UTP23: variants seen among roughly 807,000 people sequenced by gnomAD.
The protein encoded by UTP23 is rRNA-processing protein UTP23 homolog.
In UTP23, 10 loss-of-function variants were observed where a neutral mutation model predicts 19.8. The ratio of observed to expected loss-of-function variants is 0.50; its 90% CI spans 0.31 to 0.86. The LOEUF (loss-of-function observed/expected upper bound fraction) is 0.86, where lower values mean the gene tolerates loss of function less well. UTP23 is among the 40% of genes least tolerant of loss of function. UTP23 has a pLI of 0.05. For synonymous variants in UTP23, 108 were observed against 105.4 expected, an observed-to-expected ratio of 1.02 and a Z score of -0.15; for missense variants, 282 against 293.1, an observed-to-expected ratio of 0.96 and a Z score of 0.28.
chr8:116,769,100 T>C (rs1324185506), intron 1 of UTP23, among the ~76,000 whole-genome samples: 5 of 152,242 alleles, frequency 3.3e-5, no homozygotes, highest in South Asian at 2.1e-4. Flanking sequence ...TTTACTGATA[T>C]TCAGGTTTGA....
chr8:116,772,713 G>T lies in UTP23; in HGVS notation c.*871G>T. ...AGAATTCAAAAATAATATTCTCTTTGAGATTGACTGTGAATGTTATTGAAA... is the reference window on the plus strand; with the variant it reads ...AGAATTCAAAAATAATATTCTCTTTTAGATTGACTGTGAATGTTATTGAAA... On this transcript the variant is annotated 3_prime_UTR_variant, in exon 3 of 3. Coordinates refer to ENST00000309822, the MANE Select transcript of UTP23 (RefSeq NM_032334.3). The T allele has an allele frequency of 1.0e-6, 1 of 985,014 alleles. No homozygotes were observed. Among genetic ancestry groups the T allele is most frequent in the Non-Finnish European group, 1.2e-6 (1 of 829,620 alleles). 61.0% of individuals were successfully genotyped at this position (985,014 alleles called of 1,614,324 possible). A position where few individuals can be genotyped will look rare whatever the true frequency, so the allele number is the denominator to read the frequency against.
chr8:116,770,436 A>C (rs1815636721), intron 2 of UTP23, 70 bp downstream of exon 2: 3 of 1,422,130 alleles, frequency 2.1e-6, no homozygotes, highest in Non-Finnish European at 2.8e-6. Context: ...AGCTATTTAT[A>C]ATCAGAAAAA....
At chr8:116,769,384 G>T (rs1196464981) in intron 1 of UTP23, among the ~76,000 whole-genome samples, 1 of 152,166 alleles carries the variant, frequency 6.6e-6, no homozygotes, top group Non-Finnish European at 1.5e-5. Context: ...GTGAAGAAGG[G>T]CAGGAAGGTC....
intron 2 of UTP23, 86 bp from the exon 3 acceptor site, chr8:116,771,369 CT>C: frequency 3.5e-6 from 4 of 1,145,758 alleles, no homozygotes; most frequent in Non-Finnish European, 4.7e-6. Context: ...TCTGTGATCT[CT>C]TTTATTTTTA....
Position 116,766,591 on chromosome 8 carries a change from C to G in UTP23, c.-13C>G, listed in dbSNP as rs770540976. On this transcript the variant is annotated 5_prime_UTR_variant, in exon 1 of 3. Transcript: ENST00000309822. ...CTTCCTGGTCCGGTGGCCTCGGTCC[C>G]GGTAAGCCAGGCATGAAGATCACAA... 4 of 1,608,858 alleles carry G rather than the reference C, an allele frequency of 2.5e-6. No homozygotes were observed. Among genetic ancestry groups the G allele is most frequent in the Non-Finnish European group, 3.4e-6 (4 of 1,177,130 alleles).
chr8:116,771,740 C>T lies in UTP23; in HGVS notation c.648C>T (p.Asp216=). ...TGAAGAAAAAGAAAAAGGCACCGGA[C>T]ACACAATCATCTGCTTCTGAAAAGA... is the stretch of plus-strand genomic sequence containing the variant. The part of the protein sequence containing the change: ...SCLKKKKKAP[D]TQSSASEKKR... Residue 216 remains aspartate, a synonymous_variant, in exon 3 of 3, where the codon GAC becomes GAT. Transcript: ENST00000309822. 6.2e-7 allele frequency: 1 copy of T among 1,611,642 alleles called. No homozygotes were observed. Among genetic ancestry groups the T allele is most frequent in the Non-Finnish European group, 8.5e-7 (1 of 1,179,712 alleles).
Position 116,773,448 on chromosome 8 carries a change from G to T in UTP23, c.*1606G>T. ...ACCTGTTAATAGCATCTGAACTGGA[G>T]AGCTGGAAAAATCCACTTTTTTATG... On this transcript the variant is annotated 3_prime_UTR_variant, in exon 3 of 3. Coordinates refer to ENST00000309822, the MANE Select transcript of UTP23 (RefSeq NM_032334.3). 1 of 982,872 alleles carries T rather than the reference G, an allele frequency of 1.0e-6. No individual in the cohort carries two copies. Among genetic ancestry groups the T allele is most frequent in the Non-Finnish European group, 1.2e-6 (1 of 827,662 alleles). 60.9% of individuals were successfully genotyped at this position (982,872 alleles called of 1,614,324 possible).
Position 116,771,573 on chromosome 8 carries a change from G to A in UTP23, c.481G>A (p.Val161Met), listed in dbSNP as rs780234233. 6.2e-7 allele frequency: 1 copy of A among 1,613,092 alleles called. No homozygotes were observed. The highest frequency in any genetic ancestry group is 8.5e-7 in the Non-Finnish European group (1 of 1,179,796). The change falls in exon 3 of 3, where the codon GTG (valine) becomes ATG (methionine). Residue 161 changes from valine to methionine, a missense_variant. Val to Met is a conservative substitution (Grantham distance 21). Coordinates refer to ENST00000309822, the MANE Select transcript of UTP23 (RefSeq NM_032334.3). ...CAAAACAATTGCCTTTGTAAAAGCA[G>A]TGGAGTCAGGTCAGCTTGTCTCAGT... ...SPKTIAFVKA[V>M]ESGQLVSVHE...
rs905165080 is a variant in UTP23, at chr8:116,772,377, C to G, written c.*535C>G. The G allele has an allele frequency of 2.0e-6, 2 of 978,088 alleles. No homozygotes were observed. Among genetic ancestry groups the G allele is most frequent in the Non-Finnish European group, 2.4e-6 (2 of 823,472 alleles). The allele number at this position is 978,088 out of a possible 1,614,324, so 60.6% of individuals were successfully genotyped here. On this transcript the variant is annotated 3_prime_UTR_variant, in exon 3 of 3. Coordinates refer to ENST00000309822, the MANE Select transcript of UTP23 (RefSeq NM_032334.3). ...CTTGTGACAAAAAAAGAGGCAGTCC[C>G]TCTTTCACATTGACAGAAGAAACTT...
Position 116,773,287 on chromosome 8 carries a change from A to C in UTP23, c.*1445A>C, listed in dbSNP as rs1293971361. On this transcript the variant is annotated 3_prime_UTR_variant, in exon 3 of 3. Transcript: ENST00000309822. ...AAGTTAACATTTGTCAATGACAAGC[A>C]TTAAGGCCACCTAATAAAGTGTAGA... is the stretch of plus-strand genomic sequence containing the variant. The C allele has an allele frequency of 1.0e-6, 1 of 985,346 alleles. No homozygotes were observed. Among genetic ancestry groups the C allele is most frequent in the East Asian group, 1.1e-4 (1 of 8,834 alleles). The allele number at this position is 985,346 out of a possible 1,614,324, so 61.0% of individuals were successfully genotyped here.
Position 116,773,591 on chromosome 8 carries a change from C to T in UTP23, c.*1749C>T. On this transcript the variant is annotated 3_prime_UTR_variant, in exon 3 of 3. Transcript: ENST00000309822. ...CTTTGGGAGGCCGAGGCTGGCAGAT[C>T]ACAAAATTAAGAGATCAAGACCATC... The T allele has an allele frequency of 1.4e-6, 1 of 697,258 alleles. No individual in the cohort carries two copies. Among genetic ancestry groups the T allele is most frequent in the East Asian group, 1.3e-4 (1 of 7,486 alleles). The allele number at this position is 697,258 out of a possible 1,614,324, so 43.2% of individuals were successfully genotyped here.
chr8:116,767,417 C>T (rs1815599578), intron 1 of UTP23, among the ~76,000 whole-genome samples: 1 of 152,206 alleles, frequency 6.6e-6, no homozygotes, highest in Non-Finnish European at 1.5e-5. Flanking sequence ...ACTGCTCCCT[C>T]ATGGCCAGTA....
At chr8:116,771,214 T>C (rs532305303) in intron 2 of UTP23, among the ~76,000 whole-genome samples, 2 of 152,316 alleles carry the variant, frequency 1.3e-5, no homozygotes, top group East Asian at 3.9e-4. Flanking sequence ...TAGTTTGTAA[T>C]TTGTGGCTCT....
Position 116,766,784 on chromosome 8 carries a change from A to G in UTP23, c.181A>G (p.Thr61Ala). The G allele has an allele frequency of 6.4e-7, 1 of 1,553,202 alleles. No homozygotes were observed. Among genetic ancestry groups the G allele is most frequent in the South Asian group, 1.2e-5 (1 of 85,850 alleles). The stretch of plus-strand genomic sequence containing the variant: ...CCTCATGGGGGAGACGCAGCTGTGC[A>G]CCACAAGGTGGGCCCGGGGGGCTGG... Reference protein sequence around the residue: ...RYLMGETQLCTTRCVLKELET... With the variant: ...RYLMGETQLCATRCVLKELET... The change falls in exon 1 of 3, where the codon ACC (threonine) becomes GCC (alanine). Residue 61 changes from threonine to alanine, a missense_variant. Coordinates refer to ENST00000309822, the MANE Select transcript of UTP23 (RefSeq NM_032334.3).
Position 116,771,755 on chromosome 8 carries a change from T to C in UTP23, c.663T>C (p.Ala221=). 1 of 1,587,408 alleles carries C rather than the reference T, an allele frequency of 6.3e-7. No individual in the cohort carries two copies. The highest frequency in any genetic ancestry group is 8.5e-7 in the Non-Finnish European group (1 of 1,178,118). The change falls in exon 3 of 3, where the codon GCT becomes GCC. Residue 221 remains alanine (A), a synonymous_variant. Transcript: ENST00000309822. ...KKKAPDTQSS[A]SEKKRKRKRI... ...AGGCACCGGACACACAATCATCTGC[T>C]TCTGAAAAGAAAAGAAAAAGAAAAA... is the stretch of plus-strand genomic sequence containing the variant.
Position 116,772,032 on chromosome 8 carries a change from A to AG in UTP23, c.*190_*191insG. 1 of 1,261,008 alleles carries AG rather than the reference A, an allele frequency of 7.9e-7. No homozygotes were observed. The highest frequency in any genetic ancestry group is 1.6e-5 in the African/African-American group (1 of 64,222). 78.1% of individuals were successfully genotyped at this position (1,261,008 alleles called of 1,614,324 possible). ...ACCCCATCTCTACTAAAATACAAAA[A>AG]TTAGCTGGGCATGATGGTGCACAGT... On this transcript the variant is annotated 3_prime_UTR_variant, in exon 3 of 3. Transcript: ENST00000309822.
At position 116,774,365 on chromosome 8, in the gene UTP23, T is replaced by G. The variant is rs191577407; in HGVS notation, c.*2523T>G. The G allele has an allele frequency of 4.8e-5, 47 of 985,306 alleles. No homozygotes were observed. The East Asian group carries it at 2.2e-3, about 45-fold the overall frequency. The allele number at this position is 985,306 out of a possible 1,614,324, so 61.0% of individuals were successfully genotyped here. A position where few individuals can be genotyped will look rare whatever the true frequency, so the allele number is the denominator to read the frequency against. On this transcript the variant is annotated 3_prime_UTR_variant, in exon 3 of 3. Transcript: ENST00000309822. ...TTTCAAAGGTAAAAGGATCTCATGT[T>G]TCTGAATCTGCGTAAAGCAAGATGG...
rs774956333 is a variant in UTP23 at position 116,770,336 on chromosome 8, A to T, written c.333A>T (p.Gly111=). 3.0e-5 allele frequency: 48 copies of T among 1,612,704 alleles called. No individual in the cohort carries two copies. The highest frequency in any genetic ancestry group is 2.2e-4 in the Admixed American group (13 of 59,950). The change falls in exon 2 of 3, where the codon GGA becomes GGT. Residue 111 remains glycine, a synonymous_variant. Transcript: ENST00000309822. ...SECLLSMVEE[G]NPHHYFVATQ... is the part of the protein sequence containing the mutation. ...GTCTGCTTTCCATGGTTGAAGAGGG[A>T]AATCCTCATCATTATTTTGTGGCAA...
Position 116,773,668 on chromosome 8 carries a change from G to T in UTP23, c.*1826G>T, listed in dbSNP as rs942503562. The stretch of plus-strand genomic sequence containing the variant: ...GTACTAAAAATACAAAAATTAGCTG[G>T]GTGTGGTGGTGTGCGCCTGTAGTCC... On this transcript the variant is annotated 3_prime_UTR_variant, in exon 3 of 3. Transcript: ENST00000309822. 1 of 280,056 alleles carries T rather than the reference G, an allele frequency of 3.6e-6. No homozygotes were observed. The highest frequency in any genetic ancestry group is 5.4e-6 in the Non-Finnish European group (1 of 185,422). The allele number at this position is 280,056 out of a possible 1,614,324, so 17.3% of individuals were successfully genotyped here. A position where few individuals can be genotyped will look rare whatever the true frequency, so the allele number is the denominator to read the frequency against.
Sources: gnomAD v4.1 joint callset for allele counts (sites outside exome capture counted in the v4.1 genomes callset) on GRCh38, gnomAD v4.1.1 for gene constraint, MANE v1.5 for transcripts, NCBI Gene and HGNC (gene_info 2026-07-23, HGNC 2026-07-21) for gene names.